TPTE: variants seen among roughly 807,000 people sequenced by gnomAD.
TPTE encodes the protein putative tyrosine-protein phosphatase TPTE.
TPTE carries 59 observed loss-of-function variants against 84.1 expected under a neutral mutation model. The observed-to-expected ratio is 0.70, with a 90% CI of 0.57 to 0.87. The LOEUF (loss-of-function observed/expected upper bound fraction) is 0.87. Among genes scored for constraint, TPTE ranks in the 40% least tolerant of loss-of-function variants. The pLI is 0.00. For missense variants in TPTE, 382 were observed against 659.6 expected, an observed-to-expected ratio of 0.58 and a Z score of 4.61; for synonymous variants, 130 against 223.5, an observed-to-expected ratio of 0.58 and a Z score of 3.73.
At chr21:10,564,763 CAGTTGATGCTGAAAAA>C (rs890914930) in intron 10 of TPTE, among the ~76,000 whole-genome samples, 9 of 152,418 alleles carry the variant, frequency 5.9e-5, no homozygotes, top group Middle Eastern at 3.4e-3. Context: ...AAGATCATTT[CAGTTGATGCTGAAAAA>C]GCATTTGATA....
At chr21:10,529,868 G>C (rs1383448445) in intron 3 of TPTE, among the ~76,000 whole-genome samples, 3 of 152,302 alleles carry the variant, frequency 2.0e-5, no homozygotes, top group Non-Finnish European at 2.9e-5. Flanking sequence ...AGCATTCATT[G>C]ATTTTTATGT....
intron 14 of TPTE, among the ~76,000 whole-genome samples, chr21:10,573,921 C>G (rs1487061798): frequency 6.6e-6 from 1 of 152,300 alleles, no homozygotes; most frequent in Admixed American, 6.5e-5. Flanking sequence ...TATATTAATT[C>G]TACCCCATTT....
At chr21:10,542,763 G>A (rs563742509) in intron 6 of TPTE, among the ~76,000 whole-genome samples, 79 of 152,350 alleles carry the variant, frequency 5.2e-4, no homozygotes, top group African/African-American at 1.8e-3. Flanking sequence ...TTTTAACAGA[G>A]TTTCCAATTC....
At chr21:10,587,463 T>A in intron 17 of TPTE, among the ~76,000 whole-genome samples, 1 of 152,304 alleles carries the variant, frequency 6.6e-6, no homozygotes, top group Non-Finnish European at 1.5e-5. Context: ...AGTGAGAACA[T>A]ATGGTATTTG....
chr21:10,569,095 T>A (rs1202821920), intron 11 of TPTE, among the ~76,000 whole-genome samples: 1 of 152,312 alleles, frequency 6.6e-6, no homozygotes, highest in Non-Finnish European at 1.5e-5. Context: ...ATTGTATCAC[T>A]ATTTCTCTAG....
chr21:10,583,180 T>C (rs2075300736), intron 17 of TPTE, among the ~76,000 whole-genome samples: 1 of 152,312 alleles, frequency 6.6e-6, no homozygotes, highest in Non-Finnish European at 1.5e-5. Flanking sequence ...CTAAAACAGT[T>C]GTAACAATTT....
chr21:10,537,228 C>CTT (rs1481707647), intron 3 of TPTE, among the ~76,000 whole-genome samples: 2 of 152,310 alleles, frequency 1.3e-5, no homozygotes, highest in African/African-American at 4.8e-5. Flanking sequence ...TTGTAAAGAA[C>CTT]TAAACATCGC....
intron 8 of TPTE, among the ~76,000 whole-genome samples, chr21:10,558,612 G>T (rs1363573506): frequency 6.6e-6 from 1 of 152,426 alleles, no homozygotes; most frequent in East Asian, 1.9e-4. Flanking sequence ...CTCAGTATCT[G>T]CCCTCTTTGT....
intron 9 of TPTE, among the ~76,000 whole-genome samples, chr21:10,559,872 TAA>T (rs61583687): frequency 0.011 from 1,287 of 116,226 alleles, no homozygotes; most frequent in South Asian, 0.057. Flanking sequence ...AGACTCCATG[TAA>T]AAAAAAAAAA....
intron 3 of TPTE, among the ~76,000 whole-genome samples, chr21:10,530,953 C>CT: frequency 6.6e-6 from 1 of 152,424 alleles, no homozygotes; most frequent in Non-Finnish European, 1.5e-5. Context: ...TTTGGGATTT[C>CT]TTCTGTAATG....
intron 18 of TPTE, among the ~76,000 whole-genome samples, chr21:10,591,163 G>T (rs1330395852): frequency 6.6e-6 from 1 of 152,428 alleles, no homozygotes; most frequent in East Asian, 1.9e-4. Context: ...CAATACATGT[G>T]GAGTCTGTGA....
rs1312831607 is a variant in TPTE, at chr21:10,558,342, T to C, written c.234-1152T>C. Among the ~76,000 whole-genome samples, 8 of 152,426 alleles carry C rather than the reference T, an allele frequency of 5.2e-5. No individual in the cohort carries two copies. The East Asian group carries it at 1.5e-3, about 29-fold the overall frequency. ...GGTATTGCCATAGTACTTTTTACAG[T>C]GATTGAACTAATTTACACTCCCACC... On this transcript the variant is annotated intron_variant, in intron 8 of 23. Coordinates refer to ENST00000618007, the MANE Select transcript of TPTE (RefSeq NM_199261.4).
chr21:10,589,954 G>GC (rs1238236949), intron 17 of TPTE, among the ~76,000 whole-genome samples: 1 of 152,312 alleles, frequency 6.6e-6, no homozygotes, highest in Non-Finnish European at 1.5e-5. Flanking sequence ...AAACATCCTT[G>GC]CATCCTTAAG....
intron 17 of TPTE, among the ~76,000 whole-genome samples, chr21:10,589,665 CG>C (rs1235587114): frequency 1.3e-5 from 2 of 152,310 alleles, no homozygotes; most frequent in African/African-American, 2.4e-5. Context: ...TTCCTCTGCC[CG>C]GGTTGCATGG....
intron 4 of TPTE, among the ~76,000 whole-genome samples, chr21:10,539,899 C>T (rs769540420): frequency 5.8e-4 from 89 of 152,408 alleles, no homozygotes; most frequent in South Asian, 1.7e-3. Flanking sequence ...GTCCCTGCTA[C>T]TCGGGAGGCT....
chr21:10,522,511 A>G (rs1449210428), intron 1 of TPTE, among the ~76,000 whole-genome samples: 1 of 152,310 alleles, frequency 6.6e-6, no homozygotes. Flanking sequence ...GGCTGGGACA[A>G]GTTGGAAACG....
chr21:10,538,235 C>A (rs373588414), intron 3 of TPTE, among the ~76,000 whole-genome samples: 8 of 152,408 alleles, frequency 5.2e-5, no homozygotes, highest in African/African-American at 1.9e-4. Context: ...CCCCAAATAC[C>A]ATCATATTGG....
intron 8 of TPTE, among the ~76,000 whole-genome samples, chr21:10,554,660 T>G (rs2074643756): frequency 6.6e-6 from 1 of 152,308 alleles, no homozygotes; most frequent in Non-Finnish European, 1.5e-5. Flanking sequence ...TGTAATCAAA[T>G]GTATCTGTAC....
At chr21:10,534,967 C>T (rs1028953958) in intron 3 of TPTE, among the ~76,000 whole-genome samples, 2 of 152,308 alleles carry the variant, frequency 1.3e-5, no homozygotes, top group Non-Finnish European at 2.9e-5. Context: ...GTGGCTTAAA[C>T]AAAAATTAAT....
Sources: gnomAD v4.1 joint callset for allele counts (sites outside exome capture counted in the v4.1 genomes callset) on GRCh38, gnomAD v4.1.1 for gene constraint, MANE v1.5 for transcripts, NCBI Gene and HGNC (gene_info 2026-07-23, HGNC 2026-07-21) for gene names.